The following ADGRL2 variants were observed in gnomAD, a reference collection of about 807,000 sequenced individuals.
ADGRL2 encodes the protein adhesion G protein-coupled receptor L2.
Under a neutral mutation model 157.4 loss-of-function variants are expected in ADGRL2, and 44 were observed. The observed-to-expected ratio is 0.28, with a 90% confidence interval of 0.22 to 0.36. The LOEUF (loss-of-function observed/expected upper bound fraction) is 0.36. Among genes scored for constraint, ADGRL2 ranks in the 10% least tolerant of loss-of-function variants. The probability of loss-of-function intolerance (pLI) is 1.00; values close to 1 mark genes in which losing one functional copy is unlikely to be tolerated. For missense variants in ADGRL2, 1,510 were observed against 1,768.9 expected (o/e 0.85, Z 2.63); for synonymous variants, 585 against 624.7 (o/e 0.94, Z 0.95).
chr1:81,505,740 C>CAAAA (rs59062091), intron 2 of ADGRL2, among the ~76,000 whole-genome samples: 22 of 85,036 alleles, frequency 2.6e-4, no homozygotes, highest in Non-Finnish European at 3.6e-4. Flanking sequence ...TGTCCTCCTG[C>CAAAA]AAAAAAAAAA....
Position 81,418,028 on chromosome 1 carries a change from T to C in ADGRL2, c.-301-27008T>C, listed in dbSNP as rs186192799. On this transcript the variant is annotated intron_variant, in intron 1 of 24. Transcript: ENST00000370721. ...TGACAGGCAATTGTGAAATGTTCAG[T>C]TTCATTGAGTGCTCTAACCACATTC... Among the ~76,000 whole-genome samples, 22 of 152,242 alleles carry C rather than the reference T, an allele frequency of 1.4e-4. 1 individual carries two copies. The highest frequency in any genetic ancestry group is 1.0e-3 in the Admixed American group (16 of 15,288).
chr1:81,817,477 CA>C (rs936495712), intron 1 of ADGRL2, among the ~76,000 whole-genome samples: 3 of 151,810 alleles, frequency 2.0e-5, no homozygotes, highest in South Asian at 2.1e-4. Flanking sequence ...AAATAATACA[CA>C]TTTTTTTAAA....
intron 3 of ADGRL2, among the ~76,000 whole-genome samples, chr1:81,605,204 T>C (rs979706798): frequency 6.6e-6 from 1 of 152,102 alleles, no homozygotes; most frequent in East Asian, 1.9e-4. Flanking sequence ...GCAAATTCCT[T>C]TGAATCAGCC....
chr1:81,864,782 C>T (rs1011527876), intron 2 of ADGRL2, among the ~76,000 whole-genome samples: 1 of 151,892 alleles, frequency 6.6e-6, no homozygotes, highest in African/African-American at 2.4e-5. Context: ...GCCAACATGG[C>T]GAAACCCCAT....
chr1:81,358,629 A>G (rs1022434748), intron 1 of ADGRL2, among the ~76,000 whole-genome samples: 4 of 152,136 alleles, frequency 2.6e-5, no homozygotes, highest in African/African-American at 9.7e-5. Flanking sequence ...GCAGTTAAAA[A>G]TCAACCTGGA....
intron 1 of ADGRL2, among the ~76,000 whole-genome samples, chr1:81,326,368 G>A (rs1660901547): frequency 6.6e-6 from 1 of 152,068 alleles, no homozygotes; most frequent in Non-Finnish European, 1.5e-5. Context: ...TTAAGACTAG[G>A]GCAGTGACTG....
rs57145205 is a variant in ADGRL2 at position 81,394,879 on chromosome 1, TTTTATTTATTTATTTATTTA to T, written c.-301-50136_-301-50117del. 4.3e-4 allele frequency among the ~76,000 whole-genome samples: 61 copies of T among 143,296 alleles called. No homozygotes were observed. The South Asian group carries it at 0.011, about 27-fold the overall frequency. The allele number at this position is 143,296 out of a possible 152,430, so 94.0% of individuals were successfully genotyped here. A position where few individuals can be genotyped will look rare whatever the true frequency, so the allele number is the denominator to read the frequency against. The stretch of plus-strand genomic sequence containing the variant: ...GCATTTGTTATATTTTGTCTCTCTT[TTTTATTTATTTATTTATTTA>T]TTTATTTATTTATTTATTTAGACGA... On this transcript the variant is annotated intron_variant, in intron 1 of 24. Transcript: ENST00000370721.
chr1:81,527,336 A>G (rs530333337), intron 2 of ADGRL2, among the ~76,000 whole-genome samples: 128 of 152,276 alleles, frequency 8.4e-4, no homozygotes, highest in African/African-American at 3.0e-3. Flanking sequence ...CCCCAATGAG[A>G]TAATATTAAG....
chr1:81,978,059 G>A (rs1453389844), intron 17 of ADGRL2, among the ~76,000 whole-genome samples: 1 of 151,116 alleles, frequency 6.6e-6, no homozygotes, highest in Admixed American at 6.6e-5. Flanking sequence ...ACTAGTTAAA[G>A]CTAGTGTTGC....
chr1:81,772,611 C>G (rs372132216), intron 2 of ADGRL2, among the ~76,000 whole-genome samples: 1 of 151,974 alleles, frequency 6.6e-6, no homozygotes, highest in Admixed American at 6.6e-5. Context: ...CACCTGTAAT[C>G]CCAGCTACTC....
At chr1:81,542,482 C>T (rs1208502950) in intron 2 of ADGRL2, among the ~76,000 whole-genome samples, 1 of 152,178 alleles carries the variant, frequency 6.6e-6, no homozygotes, top group African/African-American at 2.4e-5. Context: ...GTGGTTACAG[C>T]CAATGTGCAT....
chr1:81,915,253 G>GT (rs1156779902), intron 3 of ADGRL2, among the ~76,000 whole-genome samples: 2 of 151,890 alleles, frequency 1.3e-5, no homozygotes, highest in Non-Finnish European at 2.9e-5. Flanking sequence ...TTTTTGAAAA[G>GT]TTTTTTTACA....
intron 2 of ADGRL2, among the ~76,000 whole-genome samples, chr1:81,870,990 G>A (rs1401983558): frequency 2.7e-5 from 4 of 150,420 alleles, no homozygotes; most frequent in Admixed American, 6.6e-5. Context: ...CAATGTGCAG[G>A]TTTGTTACAT....
intron 3 of ADGRL2, among the ~76,000 whole-genome samples, chr1:81,657,160 T>C (rs1008724925): frequency 3.3e-5 from 5 of 152,128 alleles, no homozygotes; most frequent in Non-Finnish European, 5.9e-5. Flanking sequence ...CCAAAACTCA[T>C]ACATTGAAAC....
intron 1 of ADGRL2, chr1:81,426,608 A>C (rs766900746): frequency 5.1e-4 from 242 of 479,102 alleles, no homozygotes; most frequent in Non-Finnish European, 9.3e-4. Context: ...ATGATAGTTT[A>C]AGAGAACATT....
At chr1:81,827,050 T>C (rs1364244735) in intron 1 of ADGRL2, among the ~76,000 whole-genome samples, 3 of 152,148 alleles carry the variant, frequency 2.0e-5, no homozygotes, top group Non-Finnish European at 4.4e-5. Context: ...ACTGTAATAA[T>C]AACAATCAGG....
chr1:81,646,594 T>G (rs534267069), intron 3 of ADGRL2, among the ~76,000 whole-genome samples: 1 of 152,180 alleles, frequency 6.6e-6, no homozygotes, highest in Non-Finnish European at 1.5e-5. Context: ...TTCATATTAA[T>G]TAACAGGAGC....
At chr1:81,314,109 A>G (rs1020235182) in intron 1 of ADGRL2, among the ~76,000 whole-genome samples, 3 of 152,062 alleles carry the variant, frequency 2.0e-5, no homozygotes, top group Non-Finnish European at 2.9e-5. Flanking sequence ...CAATCTGACA[A>G]CCCCCTGGTG....
At chr1:81,339,795 C>T (rs1661935540) in intron 1 of ADGRL2, among the ~76,000 whole-genome samples, 2 of 152,188 alleles carry the variant, frequency 1.3e-5, no homozygotes, top group Admixed American at 1.3e-4. Context: ...TCTGAACCTT[C>T]TACCTGGAAT....
Sources: allele counts gnomAD v4.1 joint callset (sites outside exome capture counted in the v4.1 genomes callset), GRCh38; gene constraint gnomAD v4.1.1; transcripts MANE v1.5; gene names NCBI Gene and HGNC (gene_info 2026-07-23, HGNC 2026-07-21).